UBXN6: variants seen among roughly 807,000 people sequenced by gnomAD.
UBXN6 encodes the protein UBX domain-containing protein 6.
A neutral mutation model predicts 51.4 loss-of-function variants in UBXN6; 44 were observed. The ratio of observed to expected loss-of-function variants is 0.86; its 90% CI spans 0.67 to 1.10. The LOEUF (loss-of-function observed/expected upper bound fraction) is 1.10, where lower values mean the gene tolerates loss of function less well. Ranked by LOEUF, UBXN6 falls within the 50% of genes least tolerant of loss-of-function variation. The pLI, the probability that UBXN6 is intolerant of heterozygous loss-of-function variation, is 0.00. For synonymous variants in UBXN6, 316 were observed against 263.2 expected, an observed-to-expected ratio of 1.20 and a Z score of -1.94; for missense variants, 672 against 596.1, an observed-to-expected ratio of 1.13 and a Z score of -1.32.
At chr19:4,447,259 T>C in intron 6 of UBXN6, 1 of 569,898 alleles carries the variant, frequency 1.8e-6, no homozygotes, top group Non-Finnish European at 3.1e-6. Context: ...CTGGTTTGCA[T>C]GAGAAACCTC....
At chr19:4,456,665 C>T (rs1188581634) in intron 1 of UBXN6, among the ~76,000 whole-genome samples, 1 of 152,186 alleles carries the variant, frequency 6.6e-6, no homozygotes, top group Non-Finnish European at 1.5e-5. Flanking sequence ...AGGCCCTTCT[C>T]TCCAAGTCCT....
At chr19:4,445,658 G>T (rs756578803) in intron 10 of UBXN6, 35 bp from the exon 11 acceptor site, 4 of 1,594,574 alleles carry the variant, frequency 2.5e-6, no homozygotes, top group Admixed American at 1.7e-5. Flanking sequence ...CTGAGACCGA[G>T]AGTCGGCCCT....
intron 6 of UBXN6, 26 bp from the exon 7 acceptor site, chr19:4,446,946 G>T (rs748387045): frequency 1.6e-5 from 25 of 1,610,322 alleles, no homozygotes; most frequent in Middle Eastern, 1.6e-4. Context: ...GGCGTCACTG[G>T]GGGCCCCTGG....
chr19:4,449,241 C>T, intron 4 of UBXN6: 1 of 152,634 alleles, frequency 6.6e-6, no homozygotes, highest in South Asian at 2.1e-4. Flanking sequence ...CCGCACCTCC[C>T]TGGGCTGCCC....
At position 4,453,267 on chromosome 19, in the gene UBXN6, G is replaced by A. The variant is rs145914769; in HGVS notation, c.312+191C>T. ...AGGCCCACTTCTCCAGGCCTGAGCCGGCATCCTCAGCTGCCGAGCCCCGAA... is the reference window on the plus strand; with the variant it reads ...AGGCCCACTTCTCCAGGCCTGAGCCAGCATCCTCAGCTGCCGAGCCCCGAA... On this transcript the variant is annotated intron_variant, in intron 3 of 10. Transcript: ENST00000301281. 1.9e-3 allele frequency among the ~76,000 whole-genome samples: 287 copies of A among 152,284 alleles called. 4 individuals carry two copies. The East Asian group carries it at 0.037, about 20-fold the overall frequency.
rs555755881 is a variant in UBXN6 at position 4,446,989 on chromosome 19, T to G, written c.616-69A>C. On this transcript the variant is annotated intron_variant, in intron 6 of 10. Transcript: ENST00000301281. Reference sequence around the variant, plus strand: ...CATGGCCTGGCCACACCCCACCCAGTCCAGGGGCCCGGCTCTCGCTATTGG... The same window carrying G: ...CATGGCCTGGCCACACCCCACCCAGGCCAGGGGCCCGGCTCTCGCTATTGG... 46 of 1,496,638 alleles carry G rather than the reference T, an allele frequency of 3.1e-5. No homozygotes were observed. In the South Asian group the frequency reaches 5.1e-4, roughly 17 times the overall value. The allele number at this position is 1,496,638 out of a possible 1,614,324, so 92.7% of individuals were successfully genotyped here.
At position 4,446,528 on chromosome 19, in the gene UBXN6, C is replaced by A. The variant is rs1326741253; in HGVS notation, c.892G>T (p.Glu298Ter). 1 of 1,611,672 alleles carries A rather than the reference C, an allele frequency of 6.2e-7. No individual in the cohort carries two copies. Among genetic ancestry groups the A allele is most frequent in the East Asian group, 2.2e-5 (1 of 44,864 alleles). Residue 298 changes from glutamate to a stop codon, truncating the protein, a stop_gained, in exon 8 of 11, where the codon GAG becomes TAG. Transcript: ENST00000301281. LOFTEE classifies it high-confidence loss of function. Reference sequence around the variant, plus strand: ...AGCCTCTGCTCCCGCTTGATCTCCTCTGCTGTGAGGTTGAAGAAGTCCCCA... The same window carrying A: ...AGCCTCTGCTCCCGCTTGATCTCCTATGCTGTGAGGTTGAAGAAGTCCCCA... ...LPGDFFNLTAEEIKREQRLRS... is the reference protein window; with the variant it reads ...LPGDFFNLTA
At position 4,446,848 on chromosome 19, in the gene UBXN6, C is replaced by T. The variant is rs78035520; in HGVS notation, c.688G>A (p.Ala230Thr). 1.4e-5 allele frequency: 23 copies of T among 1,614,060 alleles called. No homozygotes were observed. In the South Asian group the frequency reaches 1.5e-4, roughly 11 times the overall value. Reference sequence around the variant, plus strand: ...CCTGTCCACTTACCCTGATCCTGGGCGGGAAGCAACACCTTCTGGAACCCA... The same window carrying T: ...CCTGTCCACTTACCCTGATCCTGGGTGGGAAGCAACACCTTCTGGAACCCA... ...AIGFQKVLLP[A>T]QDQEDPEEFY... The change falls in exon 7 of 11, where the codon GCC becomes ACC. Residue 230 changes from alanine to threonine, a missense_variant. Transcript: ENST00000301281.
chr19:4,448,357 T>C lies in UBXN6; in HGVS notation c.500A>G (p.Asp167Gly), dbSNP rs1421921348. The C allele has an allele frequency of 3.7e-6, 6 of 1,610,646 alleles. No homozygotes were observed. Among genetic ancestry groups the C allele is most frequent in the Non-Finnish European group, 5.1e-6 (6 of 1,178,818 alleles). ...CACACCCAGCTTCACCCGGTCCTGG[T>C]CTTTGTTGAACGTGTAGATCTTCAT... The part of the protein sequence containing the change: ...SIMKIYTFNK[D>G]QDRVKLGVDT... The change falls in exon 5 of 11, where the codon GAC becomes GGC. Residue 167 changes from aspartate (D) to glycine (G), a missense_variant. Asp to Gly is a moderately conservative substitution (Grantham distance 94, BLOSUM62 -1). Coordinates refer to ENST00000301281, the MANE Select transcript of UBXN6 (RefSeq NM_025241.3).
At position 4,446,041 on chromosome 19, in the gene UBXN6, ACACT is replaced by A; in HGVS notation, c.1200+4_1200+7del. The A allele has an allele frequency of 5.6e-6, 9 of 1,607,314 alleles. No individual in the cohort carries two copies. Among genetic ancestry groups the A allele is most frequent in the Non-Finnish European group, 7.6e-6 (9 of 1,176,894 alleles). On this transcript the variant is annotated splice_donor_5th_base_variant and intron_variant, in intron 10 of 10. Coordinates refer to ENST00000301281, the MANE Select transcript of UBXN6 (RefSeq NM_025241.3). ...GGGTCAGCGGTGCTCCTGCGGGCCG[ACACT>A]CACCAGCCCGCACTCGTTCAAGGCC...
chr19:4,445,766 C>A, intron 10 of UBXN6, 143 bp from the exon 11 acceptor site: 1 of 1,350,380 alleles, frequency 7.4e-7, no homozygotes, highest in Non-Finnish European at 9.9e-7. Flanking sequence ...ACCCAGGCCT[C>A]CTGCCCTCTC....
intron 10 of UBXN6, 116 bp downstream of exon 10, chr19:4,445,933 T>G (rs773351095): frequency 4.1e-6 from 6 of 1,472,088 alleles, no homozygotes; most frequent in Non-Finnish European, 5.4e-6. Context: ...CCCAGGGACC[T>G]GCCCAGGCCC....
intron 10 of UBXN6, 84 bp downstream of exon 10, chr19:4,445,965 C>G (rs758531878): frequency 1.3e-6 from 2 of 1,509,168 alleles, no homozygotes; most frequent in African/African-American, 2.8e-5. Flanking sequence ...AACAAGGAGG[C>G]TCCCTCCTGG....
intron 4 of UBXN6, chr19:4,449,522 GC>G (rs1384727814): frequency 6.6e-6 from 1 of 152,460 alleles, no homozygotes; most frequent in Admixed American, 6.5e-5. Context: ...GAGAGGCAGA[GC>G]TGCCAGATGG....
At position 4,452,549 on chromosome 19, in the gene UBXN6, G is replaced by A. The variant is rs528154365; in HGVS notation, c.313-57C>T. On this transcript the variant is annotated intron_variant, in intron 3 of 10. Coordinates refer to ENST00000301281, the MANE Select transcript of UBXN6 (RefSeq NM_025241.3). ...GTGGACAGAGGCCACCCCGACCCTC[G>A]CCGAGCACCACAGTCCTGAGTGTGG... is the stretch of plus-strand genomic sequence containing the variant. The A allele has an allele frequency of 1.2e-5, 18 of 1,562,112 alleles. No individual in the cohort carries two copies. In the East Asian group the frequency reaches 2.3e-4, roughly 20 times the overall value.
Position 4,448,308 on chromosome 19 carries a change from A to G in UBXN6, c.539+10T>C. 6.3e-7 allele frequency: 1 copy of G among 1,597,594 alleles called. No individual in the cohort carries two copies. Among genetic ancestry groups the G allele is most frequent in the Non-Finnish European group, 8.5e-7 (1 of 1,173,588 alleles). On this transcript the variant is annotated intron_variant, in intron 5 of 10. Coordinates refer to ENST00000301281, the MANE Select transcript of UBXN6 (RefSeq NM_025241.3). ...AGGGGCCAGGCAGGGCAAAGGGGCC[A>G]CACGCTCACTTGGCAATGGTGTCCA...
rs1194945042 is a variant in UBXN6, at chr19:4,455,232, A to G, written c.84-1139T>C. 10 of 985,180 alleles carry G rather than the reference A, an allele frequency of 1.0e-5. No individual in the cohort carries two copies. The Admixed American group carries it at 5.5e-4, about 55-fold the overall frequency. 61.0% of individuals were successfully genotyped at this position (985,180 alleles called of 1,614,324 possible). On this transcript the variant is annotated intron_variant, in intron 1 of 10. Coordinates refer to ENST00000301281, the MANE Select transcript of UBXN6 (RefSeq NM_025241.3). ...TCCCATGAACTTACGGGCTGTGTCA[A>G]TTTCTGTGCCGTAGGTCTATTAAAA...
Position 4,446,347 on chromosome 19 carries a change from C to G in UBXN6, c.987G>C (p.Arg329=), listed in dbSNP as rs1397353354. Residue 329 remains arginine, a synonymous_variant, in exon 9 of 11, where the codon CGG becomes CGC. Coordinates refer to ENST00000301281, the MANE Select transcript of UBXN6 (RefSeq NM_025241.3). Reference sequence around the variant, plus strand: ...GCGTGTAGTTGTACTTGCGCAGCCCCCGCTGCTCCTCCTTCTCCCGCATGG... The same window carrying G: ...GCGTGTAGTTGTACTTGCGCAGCCCGCGCTGCTCCTCCTTCTCCCGCATGG... ...TKAMREKEEQ[R]GLRKYNYTLL... is the part of the protein sequence containing the mutation. 1 of 1,571,066 alleles carries G rather than the reference C, an allele frequency of 6.4e-7. No homozygotes were observed. Among genetic ancestry groups the G allele is most frequent in the Non-Finnish European group, 8.6e-7 (1 of 1,164,846 alleles).
intron 1 of UBXN6, among the ~76,000 whole-genome samples, chr19:4,456,318 C>T (rs1335297575): frequency 6.7e-6 from 1 of 150,118 alleles, no homozygotes; most frequent in Non-Finnish European, 1.5e-5. Flanking sequence ...TGCTCTCCTG[C>T]TCTCCCCCAG....
Sources: gnomAD v4.1 joint callset for allele counts (sites outside exome capture counted in the v4.1 genomes callset) on GRCh38, gnomAD v4.1.1 for gene constraint, MANE v1.5 for transcripts, NCBI Gene and HGNC (gene_info 2026-07-23, HGNC 2026-07-21) for gene names.